Variants in SIK3 observed in about 807,000 individuals in gnomAD.
The protein encoded by SIK3 is SIK family kinase 3, also known as serine/threonine-protein kinase SIK3.
A neutral mutation model predicts 144.2 loss-of-function variants in SIK3; 28 were observed. That is an observed-to-expected ratio of 0.19 (90% confidence interval 0.14 to 0.27). SIK3 has a LOEUF of 0.27. SIK3 is among the 10% of genes least tolerant of loss of function. SIK3 has a pLI of 1.00. For missense variants in SIK3, 1,319 were observed against 1,776.0 expected, an observed-to-expected ratio of 0.74 and a Z score of 4.62; for synonymous variants, 686 against 676.3, an observed-to-expected ratio of 1.01 and a Z score of -0.22.
At chr11:116,896,475 C>T (rs1945406424) in intron 5 of SIK3, 99 bp from the exon 6 acceptor site, 4 of 1,311,608 alleles carry the variant, frequency 3.0e-6, no homozygotes, top group African/African-American at 1.5e-5. Context: ...GTCATGCATA[C>T]GATTATGGAA....
chr11:117,046,007 G>A (rs60101932), intron 1 of SIK3, among the ~76,000 whole-genome samples: 10,734 of 152,254 alleles, frequency 0.071, 672 homozygotes, highest in African/African-American at 0.17. Context: ...CTGACTTCCA[G>A]TCTAATGTTT....
chr11:117,008,445 A>C (rs1481273622), intron 1 of SIK3, among the ~76,000 whole-genome samples: 1 of 149,444 alleles, frequency 6.7e-6, no homozygotes, highest in Admixed American at 6.7e-5. Flanking sequence ...GCAAACTCAC[A>C]AGTTTGTTAA....
At chr11:116,987,547 G>C (rs369415227) in intron 1 of SIK3, among the ~76,000 whole-genome samples, 17 of 152,194 alleles carry the variant, frequency 1.1e-4, no homozygotes, top group East Asian at 7.7e-4. Context: ...ACAGGTACTA[G>C]GAGAATGCCC....
intron 1 of SIK3, among the ~76,000 whole-genome samples, chr11:116,990,982 C>T (rs1411227386): frequency 6.6e-6 from 1 of 152,192 alleles, no homozygotes; most frequent in Admixed American, 6.5e-5. Context: ...CTGTGCTTTA[C>T]ATATTATCCC....
At chr11:117,041,360 C>T (rs955499013) in intron 1 of SIK3, among the ~76,000 whole-genome samples, 3 of 152,066 alleles carry the variant, frequency 2.0e-5, no homozygotes, top group African/African-American at 4.8e-5. Context: ...CATGCCCCAC[C>T]CTCATCTAGC....
chr11:116,845,848 T>A (rs1941895872), intron 24 of SIK3, among the ~76,000 whole-genome samples: 1 of 152,228 alleles, frequency 6.6e-6, no homozygotes, highest in Non-Finnish European at 1.5e-5. Flanking sequence ...GCCTGCTGTG[T>A]ACTCTTTGCA....
At chr11:117,095,313 G>C (rs1303567529) in intron 1 of SIK3, among the ~76,000 whole-genome samples, 2 of 151,442 alleles carry the variant, frequency 1.3e-5, no homozygotes, top group African/African-American at 4.9e-5. Context: ...CTGTCTGACT[G>C]TTATATATGG....
intron 1 of SIK3, among the ~76,000 whole-genome samples, chr11:117,058,057 A>G (rs1013314434): frequency 6.6e-6 from 1 of 152,194 alleles, no homozygotes; most frequent in South Asian, 2.1e-4. Context: ...AGATAAATAC[A>G]AATTAAACAT....
chr11:116,906,347 T>A (rs12273762), intron 4 of SIK3, among the ~76,000 whole-genome samples: 11,347 of 152,110 alleles, frequency 0.075, 509 homozygotes, highest in Middle Eastern at 0.11. Context: ...AGAAAAAAAA[T>A]TACTTTTTCT....
At chr11:117,071,292 C>G (rs1463962669) in intron 1 of SIK3, among the ~76,000 whole-genome samples, 2 of 151,802 alleles carry the variant, frequency 1.3e-5, no homozygotes, top group Non-Finnish European at 2.9e-5. Context: ...GAAATTATAT[C>G]AATAAATGCT....
chr11:116,997,142 C>T (rs1950697558), intron 1 of SIK3, among the ~76,000 whole-genome samples: 1 of 152,160 alleles, frequency 6.6e-6, no homozygotes, highest in South Asian at 2.1e-4. Flanking sequence ...TATTAGATTA[C>T]CTCTTTAAGA....
At chr11:117,019,174 C>T (rs983077092) in intron 1 of SIK3, among the ~76,000 whole-genome samples, 2 of 151,918 alleles carry the variant, frequency 1.3e-5, no homozygotes, top group Non-Finnish European at 2.9e-5. Flanking sequence ...TGCACACCGC[C>T]ACACCTGGCT....
rs572664798 is a variant in SIK3, at chr11:116,952,958, G to A, written c.454+1086C>T. ...ATAAATTTCTATCACCATTAGCTTT[G>A]ACATTAACTAATCACATATACAAAG... is the stretch of plus-strand genomic sequence containing the variant. On this transcript the variant is annotated intron_variant, in intron 3 of 24. Coordinates refer to ENST00000445177, the MANE Select transcript of SIK3 (RefSeq NM_001366686.3). Among the ~76,000 whole-genome samples, 9 of 152,064 alleles carry A rather than the reference G, an allele frequency of 5.9e-5. No individual in the cohort carries two copies. The South Asian group carries it at 1.9e-3, about 32-fold the overall frequency.
intron 4 of SIK3, among the ~76,000 whole-genome samples, chr11:116,925,218 C>T (rs192933923): frequency 5.3e-5 from 8 of 151,832 alleles, no homozygotes; most frequent in African/African-American, 1.7e-4. Context: ...CACTGCCCTC[C>T]TGCCTGGGCA....
chr11:117,035,273 G>A (rs1591582114), intron 1 of SIK3, among the ~76,000 whole-genome samples: 2 of 152,180 alleles, frequency 1.3e-5, no homozygotes, highest in Middle Eastern at 6.8e-3. Context: ...GAGGAAATGA[G>A]GAATTTTTTA....
chr11:116,891,876 A>T (rs1227946165), intron 6 of SIK3, among the ~76,000 whole-genome samples: 1 of 152,188 alleles, frequency 6.6e-6, no homozygotes, highest in Non-Finnish European at 1.5e-5. Context: ...GCCTACATGA[A>T]TGGAGGGTTG....
intron 1 of SIK3, among the ~76,000 whole-genome samples, chr11:117,006,637 T>C (rs77250716): frequency 0.16 from 24,377 of 150,966 alleles, 2,074 homozygotes; most frequent in Admixed American, 0.21. Flanking sequence ...ATCTCTGTGT[T>C]TAAAAAAAAA....
At chr11:117,031,245 A>G (rs1376255671) in intron 1 of SIK3, among the ~76,000 whole-genome samples, 1 of 150,640 alleles carries the variant, frequency 6.6e-6, no homozygotes, top group Non-Finnish European at 1.5e-5. Flanking sequence ...TATCCTAAAC[A>G]TTTTCTCCTG....
At chr11:116,873,781 G>T in intron 12 of SIK3, 122 bp downstream of exon 12, 1 of 1,472,896 alleles carries the variant, frequency 6.8e-7, no homozygotes, top group Non-Finnish European at 9.1e-7. Flanking sequence ...GAGCTACTTT[G>T]CAAGATAAAT....
Sources: gnomAD v4.1 joint callset for allele counts (sites outside exome capture counted in the v4.1 genomes callset) on GRCh38, gnomAD v4.1.1 for gene constraint, MANE v1.5 for transcripts, NCBI Gene and HGNC (gene_info 2026-07-23, HGNC 2026-07-21) for gene names.